CWC25: variants seen among roughly 807,000 people sequenced by gnomAD.
CWC25 encodes the protein CWC25 spliceosome associated protein.
Under a neutral mutation model 54.6 loss-of-function variants are expected in CWC25, and 31 were observed. The ratio of observed to expected loss-of-function variants is 0.57; its 90% CI spans 0.43 to 0.77. The LOEUF (loss-of-function observed/expected upper bound fraction) is 0.77, where lower values mean the gene tolerates loss of function less well. Ranked by LOEUF, CWC25 falls within the 30% of genes least tolerant of loss-of-function variation. CWC25 has a pLI of 0.00. For synonymous variants in CWC25, 151 were observed against 187.0 expected (o/e 0.81, Z 1.57); for missense variants, 453 against 529.3 (o/e 0.86, Z 1.41).
rs753790228 is a variant in CWC25, at chr17:38,809,661, C to T, written c.690+41G>A. On this transcript the variant is annotated intron_variant, in intron 6 of 9. Coordinates refer to ENST00000614790, the MANE Select transcript of CWC25 (RefSeq NM_017748.5). ...CACATTGTCCAAGTGGCACATCCCA[C>T]AGTCCCACAGTCACTCCTTTCAAGA... The T allele has an allele frequency of 1.9e-6, 3 of 1,587,516 alleles. No individual in the cohort carries two copies. In the South Asian group the frequency reaches 3.3e-5, roughly 18 times the overall value.
At chr17:38,821,155 T>TCCAC (rs1911907858) in intron 1 of CWC25, 82 bp from the exon 2 acceptor site, 5 of 1,421,312 alleles carry the variant, frequency 3.5e-6, no homozygotes, top group African/African-American at 1.4e-5. Flanking sequence ...CACCCACCCT[T>TCCAC]CCATACCCAA....
intron 1 of CWC25, among the ~76,000 whole-genome samples, chr17:38,821,518 T>G (rs1403459280): frequency 6.6e-6 from 1 of 152,138 alleles, no homozygotes; most frequent in Admixed American, 6.6e-5. Context: ...GAAACTGCGC[T>G]GCTGCACTAC....
At chr17:38,811,960 C>CA (rs1911506730) in intron 4 of CWC25, among the ~76,000 whole-genome samples, 1 of 149,946 alleles carries the variant, frequency 6.7e-6, no homozygotes, top group African/African-American at 2.5e-5. Context: ...TTTTTTGAGA[C>CA]AGAGTTTCGC....
In CWC25 at chr17:38,806,961, G is replaced by A. The variant is rs753462486; in HGVS notation, c.706C>T (p.Arg236Cys). The A allele has an allele frequency of 4.5e-5, 73 of 1,612,158 alleles. No individual in the cohort carries two copies. Among genetic ancestry groups the A allele is most frequent in the Non-Finnish European group, 5.4e-5 (64 of 1,179,172 alleles). The change falls in exon 7 of 10, where the codon CGT (arginine) becomes TGT (cysteine). Residue 236 changes from arginine (R) to cysteine (C), a missense_variant. Coordinates refer to ENST00000614790, the MANE Select transcript of CWC25 (RefSeq NM_017748.5). ...GYGLQVRNSD[R>C]NQGLQGPLTA... ...AGAGGACCCTGAAGACCCTGGTTAC[G>A]GTCAGAGTTCCGGACCTACATCATT...
chr17:38,814,996 T>A lies in CWC25; in HGVS notation c.293A>T (p.Glu98Val). 1 of 1,613,850 alleles carries A rather than the reference T, an allele frequency of 6.2e-7. No homozygotes were observed. Residue 98 changes from glutamate (E) to valine (V), a missense_variant, in exon 3 of 10, where the codon GAG becomes GTG. Physicochemically the swap from Glu to Val is moderately radical, Grantham distance 121 (BLOSUM62 -2). Coordinates refer to ENST00000614790, the MANE Select transcript of CWC25 (RefSeq NM_017748.5). ...GCCTGCCTCCTTCTCCTCCATCTTC[T>A]CAAAAACATATTTGTCAATGGGGCG... ...LGRPIDKYVF[E>V]KMEEKEAGCS...
At position 38,803,095 on chromosome 17, in the gene CWC25, CTGAAATA is replaced by C. The variant is rs144471557; in HGVS notation, c.1002-241_1002-235del. 5.6e-3 allele frequency among the ~76,000 whole-genome samples: 849 copies of C among 152,220 alleles called. 3 individuals are homozygous for C. The highest frequency in any genetic ancestry group is 0.018 in the African/African-American group (768 of 41,522). Reference sequence around the variant, plus strand: ...CTCAGTAATCTCTAGAGTGATTATTCTGAAATATGAAATATGAAATAAATTGGGAACT... The same window carrying C: ...CTCAGTAATCTCTAGAGTGATTATTCTGAAATATGAAATAAATTGGGAACT... On this transcript the variant is annotated intron_variant, in intron 8 of 9. Transcript: ENST00000614790.
intron 5 of CWC25, among the ~76,000 whole-genome samples, chr17:38,809,970 C>A (rs557586013): frequency 7.9e-5 from 12 of 152,072 alleles, no homozygotes; most frequent in Non-Finnish European, 1.2e-4. Flanking sequence ...AACTGTGGGC[C>A]TCGCTTCTAA....
rs543468197 is a variant in CWC25, at chr17:38,812,449, TA to T, written c.498+345del. Among the ~76,000 whole-genome samples, 14 of 152,038 alleles carry T rather than the reference TA, an allele frequency of 9.2e-5. No homozygotes were observed. The South Asian group carries it at 2.7e-3, about 29-fold the overall frequency. On this transcript the variant is annotated intron_variant, in intron 4 of 9. Transcript: ENST00000614790. ...AAATAACCAACCTGACCAATATGAA[TA>T]AACCCCGTCTCTACTAAAAATACAA...
At chr17:38,809,569 G>T in intron 6 of CWC25, 133 bp downstream of exon 6, 1 of 689,534 alleles carries the variant, frequency 1.5e-6, no homozygotes, top group Non-Finnish European at 2.5e-6. Flanking sequence ...CCACAAGAAG[G>T]TGCTCAGCGA....
At position 38,806,930 on chromosome 17, in the gene CWC25, G is replaced by T. The variant is rs753739233; in HGVS notation, c.737C>A (p.Ala246Glu). ...CATCCCATGCCCTCTCTTTTGCTCTGCTGTCAGAGGACCCTGAAGACCCTG... is the reference window on the plus strand; with the variant it reads ...CATCCCATGCCCTCTCTTTTGCTCTTCTGTCAGAGGACCCTGAAGACCCTG... ...RNQGLQGPLT[A>E]EQKRGHGMKN... The change falls in exon 7 of 10, where the codon GCA becomes GAA. Residue 246 changes from alanine to glutamate, a missense_variant. By Grantham distance (107) the Ala-to-Glu change is moderately radical (BLOSUM62 -1). Around this residue, in one of 2 missense-constraint regions of CWC25, gnomAD observed 444 missense variants for 499.2 expected, o/e 0.89. Coordinates refer to ENST00000614790, the MANE Select transcript of CWC25 (RefSeq NM_017748.5). The T allele has an allele frequency of 1.9e-6, 3 of 1,613,904 alleles. No homozygotes were observed. The highest frequency in any genetic ancestry group is 1.7e-5 in the Admixed American group (1 of 59,998).
intron 8 of CWC25, 79 bp from the exon 9 acceptor site, chr17:38,802,940 G>C: frequency 6.4e-7 from 1 of 1,552,508 alleles, no homozygotes; most frequent in South Asian, 1.2e-5. Context: ...CAGAAGCCAG[G>C]TGGGACCCCA....
rs117358932 is a variant in CWC25, at chr17:38,806,031, C to T, written c.1001+266G>A. On this transcript the variant is annotated intron_variant, in intron 8 of 9. Transcript: ENST00000614790. ...TTCACCGTGTTGGTTAGGATGGTCT[C>T]GACCTCCTGACCTCAGGTGATCCAC... Among the ~76,000 whole-genome samples the T allele has an allele frequency of 0.02, 2,986 of 152,076 alleles. 41 individuals are homozygous for T. The highest frequency in any genetic ancestry group is 0.029 in the Non-Finnish European group (1,967 of 68,002).
chr17:38,813,236 C>A (rs780288202), intron 3 of CWC25, among the ~76,000 whole-genome samples: 1 of 151,598 alleles, frequency 6.6e-6, no homozygotes, highest in Non-Finnish European at 1.5e-5. Context: ...CTGGGGCAGG[C>A]GGATCACTTG....
At chr17:38,814,187 G>A (rs937679295) in intron 3 of CWC25, among the ~76,000 whole-genome samples, 2 of 152,092 alleles carry the variant, frequency 1.3e-5, no homozygotes, top group Non-Finnish European at 2.9e-5. Flanking sequence ...TGGTTATAGA[G>A]TTTCAATTCA....
In CWC25 at chr17:38,814,884, C is replaced by T; in HGVS notation, c.405G>A (p.Arg135=). 6.2e-7 allele frequency: 1 copy of T among 1,613,606 alleles called. No homozygotes were observed. The highest frequency in any genetic ancestry group is 8.5e-7 in the Non-Finnish European group (1 of 1,179,818). ...NSLLDMASKI[R]EDPLFIIRKK... is the part of the protein sequence containing the mutation. ...ACCTGATGATGAAGAGTGGGTCCTCCCGGATCTTGCTGGCCATGTCAAGAA... is the reference window on the plus strand; with the variant it reads ...ACCTGATGATGAAGAGTGGGTCCTCTCGGATCTTGCTGGCCATGTCAAGAA... The change falls in exon 3 of 10, where the codon CGG becomes CGA. Residue 135 remains arginine (R), a synonymous_variant. Coordinates refer to ENST00000614790, the MANE Select transcript of CWC25 (RefSeq NM_017748.5).
rs778876610 is a variant in CWC25 at position 38,800,771 on chromosome 17, C to G, written c.*1321G>C. 6.6e-6 allele frequency: 1 copy of G among 152,016 alleles called. No individual in the cohort carries two copies. Among genetic ancestry groups the G allele is most frequent in the Non-Finnish European group, 1.5e-5 (1 of 68,040 alleles). 9.4% of individuals were successfully genotyped at this position (152,016 alleles called of 1,614,324 possible). A position where few individuals can be genotyped will look rare whatever the true frequency, so the allele number is the denominator to read the frequency against. On this transcript the variant is annotated 3_prime_UTR_variant, in exon 10 of 10. Transcript: ENST00000614790. ...GAGTAAAGACAGGAGAGTGGCCCCT[C>G]GAGGGTTTTGTTTTGTTGCTGTTGT...
Position 38,801,115 on chromosome 17 carries a change from GAA to G in CWC25, c.*975_*976del, listed in dbSNP as rs944573643. On this transcript the variant is annotated 3_prime_UTR_variant, in exon 10 of 10. Transcript: ENST00000614790. ...TTTGTTTTTTTTTTAGTACCTGACT[GAA>G]AGAGACTAGCAAACAACTCCTGAAA... 1 of 151,794 alleles carries G rather than the reference GAA, an allele frequency of 6.6e-6. No individual in the cohort carries two copies. The highest frequency in any genetic ancestry group is 2.4e-5 in the African/African-American group (1 of 41,220). 9.4% of individuals were successfully genotyped at this position (151,794 alleles called of 1,614,324 possible).
At chr17:38,809,196 G>A (rs1468802867) in intron 6 of CWC25, among the ~76,000 whole-genome samples, 1 of 151,828 alleles carries the variant, frequency 6.6e-6, no homozygotes, top group Admixed American at 6.6e-5. Flanking sequence ...GGGAGGCCGA[G>A]GCGGAGGGAT....
chr17:38,802,610 A>G, intron 9 of CWC25, 90 bp downstream of exon 9: 2 of 1,481,652 alleles, frequency 1.3e-6, no homozygotes, highest in Non-Finnish European at 1.8e-6. Context: ...CCATGTGCAA[A>G]CACAGAAACA....
Sources: gnomAD v4.1 joint callset for allele counts (sites outside exome capture counted in the v4.1 genomes callset) on GRCh38, gnomAD v4.1.1 for gene constraint, gnomAD v4.1.1 regional missense constraint, MANE v1.5 for transcripts, NCBI Gene and HGNC (gene_info 2026-07-23, HGNC 2026-07-21) for gene names.